ACTR8: variants seen among roughly 807,000 people sequenced by gnomAD.
The protein encoded by ACTR8 is actin related protein 8.
A neutral mutation model predicts 84.3 loss-of-function variants in ACTR8; 70 were observed. The ratio of observed to expected loss-of-function variants is 0.83; its 90% CI spans 0.68 to 1.01. The LOEUF is 1.01. Ranked by LOEUF, ACTR8 falls within the 50% of genes least tolerant of loss-of-function variation. The pLI is 0.00. For missense variants in ACTR8, 672 were observed against 775.4 expected, an observed-to-expected ratio of 0.87 and a Z score of 1.58; for synonymous variants, 268 against 275.2, an observed-to-expected ratio of 0.97 and a Z score of 0.26.
At chr3:53,875,518 G>A (rs992893717) in intron 7 of ACTR8, among the ~76,000 whole-genome samples, 2 of 152,154 alleles carry the variant, frequency 1.3e-5, no homozygotes, top group Non-Finnish European at 2.9e-5. Context: ...ACACCACTAT[G>A]ACAAAAAATG....
rs757055808 is a variant in ACTR8, at chr3:53,877,680, T to C, written c.477A>G (p.Thr159=). Residue 159 remains threonine, a synonymous_variant, in exon 4 of 13, where the codon ACA becomes ACG. Coordinates refer to ENST00000335754, the MANE Select transcript of ACTR8 (RefSeq NM_022899.5). ...CTACTAAATACTCAGGGTGATGAGA[T>C]GTGTTTGTCCACTTATTTCCCGAAC... ...DHCSGNKWTN[T]SHHPEYLVGE... is the part of the protein sequence containing the mutation. 3 of 1,614,024 alleles carry C rather than the reference T, an allele frequency of 1.9e-6. No homozygotes were observed. Among genetic ancestry groups the C allele is most frequent in the African/African-American group, 2.7e-5 (2 of 74,936 alleles).
rs906205424 is a variant in ACTR8 at position 53,877,681 on chromosome 3, G to A, written c.476C>T (p.Thr159Ile). ...DHCSGNKWTN[T>I]SHHPEYLVGE... is the part of the protein sequence containing the mutation. ...TACTAAATACTCAGGGTGATGAGAT[G>A]TGTTTGTCCACTTATTTCCCGAACA... The change falls in exon 4 of 13, where the codon ACA becomes ATA. Residue 159 changes from threonine to isoleucine, a missense_variant. Physicochemically the swap from Thr to Ile is moderately conservative, Grantham distance 89. Coordinates refer to ENST00000335754, the MANE Select transcript of ACTR8 (RefSeq NM_022899.5). 6.2e-6 allele frequency: 10 copies of A among 1,614,092 alleles called. No individual in the cohort carries two copies. Among genetic ancestry groups the A allele is most frequent in the South Asian group, 1.1e-5 (1 of 91,078 alleles).
At chr3:53,869,763 A>C (rs2107049434) in intron 12 of ACTR8, among the ~76,000 whole-genome samples, 1 of 152,264 alleles carries the variant, frequency 6.6e-6, no homozygotes, top group South Asian at 2.1e-4. Context: ...CAGTCATGCT[A>C]GTTTGGGGAG....
At chr3:53,866,372 C>A (rs1367782676), downstream of ACTR8, among the ~76,000 whole-genome samples, 2 of 152,164 alleles carry the variant, frequency 1.3e-5, no homozygotes, top group Non-Finnish European at 2.9e-5. Flanking sequence ...TGAGAGCAGA[C>A]CCTGTCTAAA....
intron 11 of ACTR8, 194 bp downstream of exon 11, chr3:53,871,038 G>T (rs1401524456): frequency 1.4e-6 from 1 of 702,596 alleles, no homozygotes; most frequent in Non-Finnish European, 2.3e-6. Flanking sequence ...ACTTATTTTG[G>T]CCTCTTCCAC....
In ACTR8 at chr3:53,868,900, A is replaced by G; in HGVS notation, c.1732-38T>C. 1.2e-6 allele frequency: 2 copies of G among 1,606,250 alleles called. 1 individual carries two copies. Among genetic ancestry groups the G allele is most frequent in the Middle Eastern group, 3.3e-4 (2 of 6,010 alleles). On this transcript the variant is annotated intron_variant, in intron 12 of 12. Coordinates refer to ENST00000335754, the MANE Select transcript of ACTR8 (RefSeq NM_022899.5). Reference sequence around the variant, plus strand: ...TGAAGGCATTTCAGCCTAATCACATAAGACATATACTCAATCATTTACTTG... The same window carrying G: ...TGAAGGCATTTCAGCCTAATCACATGAGACATATACTCAATCATTTACTTG...
chr3:53,873,084 G>T lies in ACTR8; in HGVS notation c.1109C>A (p.Pro370His), dbSNP rs1559792480. ...CTGGTAAAGCAGGGCAGGAGAATCA[G>T]GATGTCGAATCTGAAACTCATGGTC... ...LQDHEFQIRH[P>H]DSPALLYQFR... is the part of the protein sequence containing the mutation. The change falls in exon 9 of 13, where the codon CCT (proline) becomes CAT (histidine). Residue 370 changes from proline (P) to histidine (H), a missense_variant. Coordinates refer to ENST00000335754, the MANE Select transcript of ACTR8 (RefSeq NM_022899.5). 1 of 1,611,940 alleles carries T rather than the reference G, an allele frequency of 6.2e-7. No individual in the cohort carries two copies. Among genetic ancestry groups the T allele is most frequent in the Non-Finnish European group, 8.5e-7 (1 of 1,178,768 alleles).
intron 8 of ACTR8, among the ~76,000 whole-genome samples, chr3:53,873,949 C>T (rs1418349756): frequency 2.6e-5 from 4 of 152,098 alleles, no homozygotes; most frequent in African/African-American, 9.7e-5. Flanking sequence ...CTCAGCCTCC[C>T]GAGTAGCTGG....
chr3:53,879,854 T>G, intron 2 of ACTR8, 85 bp downstream of exon 2: 2 of 1,312,910 alleles, frequency 1.5e-6, no homozygotes, highest in Non-Finnish European at 1.0e-6. Flanking sequence ...TATGAAGATG[T>G]TTCTTTAAGA....
chr3:53,866,674 G>A (rs567405827), downstream of ACTR8, among the ~76,000 whole-genome samples: 2 of 151,982 alleles, frequency 1.3e-5, no homozygotes, highest in East Asian at 3.9e-4. Flanking sequence ...GTAGAGACGG[G>A]GTTTCACCCT....
Position 53,882,058 on chromosome 3 carries a change from T to G in ACTR8, c.44A>C (p.Lys15Thr). ...EKGDTENGKE[K>T]GGEKEKEQRG... ...CTGCTCCTTCTCCTTCTCGCCGCCCTTCTCCTTTCCGTTCTCCGTATCACC... is the reference window on the plus strand; with the variant it reads ...CTGCTCCTTCTCCTTCTCGCCGCCCGTCTCCTTTCCGTTCTCCGTATCACC... The change falls in exon 1 of 13, where the codon AAG (lysine) becomes ACG (threonine). Residue 15 changes from lysine (K) to threonine (T), a missense_variant. By Grantham distance (78) the Lys-to-Thr change is moderately conservative. Transcript: ENST00000335754. 6.4e-7 allele frequency: 1 copy of G among 1,551,660 alleles called. No homozygotes were observed. The highest frequency in any genetic ancestry group is 8.7e-7 in the Non-Finnish European group (1 of 1,146,880).
chr3:53,870,795 C>T lies in ACTR8; in HGVS notation c.1567+437G>A, dbSNP rs1239294982. 1.3e-5 allele frequency among the ~76,000 whole-genome samples: 2 copies of T among 152,206 alleles called. No homozygotes were observed. Among genetic ancestry groups the T allele is most frequent in the Non-Finnish European group, 2.9e-5 (2 of 68,024 alleles). Reference sequence around the variant, plus strand: ...CCTCTACCCCATCTGTGACTGCTAACTGACCCCTTTCATCCTTTACATCTC... The same window carrying T: ...CCTCTACCCCATCTGTGACTGCTAATTGACCCCTTTCATCCTTTACATCTC... On this transcript the variant is annotated intron_variant, in intron 11 of 12. Transcript: ENST00000335754. The surrounding 1 kb of genome is among the most constrained non-coding windows in gnomAD (Gnocchi z 4.1).
Position 53,870,185 on chromosome 3 carries a change from C to T in ACTR8, c.1568-40G>A. 1.3e-6 allele frequency: 2 copies of T among 1,599,560 alleles called. No individual in the cohort carries two copies. The highest frequency in any genetic ancestry group is 1.7e-6 in the Non-Finnish European group (2 of 1,169,572). ...GACATCCTCCATGCTTTTTTCTCCACATCCATAATTCTAGGCCAAGCCACC... is the reference window on the plus strand; with the variant it reads ...GACATCCTCCATGCTTTTTTCTCCATATCCATAATTCTAGGCCAAGCCACC... On this transcript the variant is annotated intron_variant, in intron 11 of 12. Coordinates refer to ENST00000335754, the MANE Select transcript of ACTR8 (RefSeq NM_022899.5). This position sits in a 1 kb window ranked among gnomAD's most constrained non-coding sequence, Gnocchi z 4.1.
intron 6 of ACTR8, among the ~76,000 whole-genome samples, chr3:53,876,290 G>T (rs1233200971): frequency 1.3e-5 from 2 of 152,114 alleles, no homozygotes. Context: ...AGGCCAAGGT[G>T]GGAGGATCAC....
chr3:53,881,638 G>A (rs945745160), intron 1 of ACTR8: 1 of 413,168 alleles, frequency 2.4e-6, no homozygotes, highest in East Asian at 5.9e-5. Context: ...TAACCCTCAC[G>A]GCAACTTGCG....
downstream of ACTR8, among the ~76,000 whole-genome samples, chr3:53,866,371 A>G (rs1406576110): frequency 6.6e-6 from 1 of 152,162 alleles, no homozygotes; most frequent in African/African-American, 2.4e-5. Context: ...GTGAGAGCAG[A>G]CCCTGTCTAA....
At chr3:53,874,733 A>G (rs1699940169) in intron 7 of ACTR8, among the ~76,000 whole-genome samples, 1 of 152,118 alleles carries the variant, frequency 6.6e-6, no homozygotes, top group South Asian at 2.1e-4. Flanking sequence ...CTAAAAAAAA[A>G]AAAGAAACAC....
intron 7 of ACTR8, among the ~76,000 whole-genome samples, chr3:53,874,715 G>T (rs1699939837): frequency 6.7e-6 from 1 of 149,972 alleles, no homozygotes; most frequent in East Asian, 2.0e-4. Flanking sequence ...GACAGAGTAA[G>T]ATTCTATCTA....
chr3:53,874,322 A>C lies in ACTR8; in HGVS notation c.954T>G (p.Phe318Leu). The C allele has an allele frequency of 6.2e-7, 1 of 1,614,224 alleles. No homozygotes were observed. The change falls in exon 8 of 13, where the codon TTT (phenylalanine) becomes TTG (leucine). Residue 318 changes from phenylalanine to leucine, a missense_variant. By Grantham distance (22) the Phe-to-Leu change is conservative. Coordinates refer to ENST00000335754, the MANE Select transcript of ACTR8 (RefSeq NM_022899.5). The part of the protein sequence containing the change: ...AYGGSDVSRC[F>L]YWLMQRAGFP... ...ACCCAGCTCGCTGCATTAGCCAGTA[A>C]AAACATCTTGACACATCAGATCCTC...
Sources: gnomAD v4.1 joint callset for allele counts (sites outside exome capture counted in the v4.1 genomes callset) on GRCh38, gnomAD v4.1.1 for gene constraint, Gnocchi (gnomAD v3.1) non-coding constraint, MANE v1.5 for transcripts, NCBI Gene and HGNC (gene_info 2026-07-23, HGNC 2026-07-21) for gene names.